PRKAR1B: variants seen among roughly 807,000 people sequenced by gnomAD.
PRKAR1B encodes protein kinase cAMP-dependent type I regulatory subunit beta.
A neutral mutation model predicts 46.5 loss-of-function variants in PRKAR1B; 22 were observed. That is an observed-to-expected ratio of 0.47 (90% CI 0.34 to 0.68). The LOEUF (loss-of-function observed/expected upper bound fraction) is 0.68. Among genes scored for constraint, PRKAR1B ranks in the 30% least tolerant of loss-of-function variants. The pLI is 0.01. For synonymous variants in PRKAR1B, 259 were observed against 217.7 expected (o/e 1.19, Z -1.67); for missense variants, 445 against 535.6 (o/e 0.83, Z 1.67).
chr7:569,896 C>T (rs1323937469), intron 9 of PRKAR1B, among the ~76,000 whole-genome samples: 1 of 152,242 alleles, frequency 6.6e-6, no homozygotes, highest in Admixed American at 6.5e-5. Context: ...TCACTGTCCC[C>T]GCGCAGATGT....
At chr7:567,496 CCAT>C (rs1262719761) in intron 9 of PRKAR1B, among the ~76,000 whole-genome samples, 9 of 143,532 alleles carry the variant, frequency 6.3e-5, no homozygotes, top group African/African-American at 1.3e-4. Flanking sequence ...ATCACCATCA[CCAT>C]CATCACCATC....
chr7:599,223 C>T (rs1276465946), intron 6 of PRKAR1B, among the ~76,000 whole-genome samples: 1 of 152,230 alleles, frequency 6.6e-6, no homozygotes. Context: ...TGTCACCACT[C>T]CCGGCGCAGT....
chr7:660,468 T>C, intron 4 of PRKAR1B, among the ~76,000 whole-genome samples: 1 of 113,318 alleles, frequency 8.8e-6, no homozygotes, highest in Non-Finnish European at 1.7e-5. Context: ...ATACCTACTC[T>C]GCCCCCAATG....
chr7:687,602 A>T (rs1241095095), intron 2 of PRKAR1B, among the ~76,000 whole-genome samples: 1 of 152,236 alleles, frequency 6.6e-6, no homozygotes, highest in Non-Finnish European at 1.5e-5. Flanking sequence ...GTTTATGTGA[A>T]TTCGAGTTCC....
chr7:690,260 C>T (rs915631112), intron 2 of PRKAR1B, among the ~76,000 whole-genome samples: 1 of 151,474 alleles, frequency 6.6e-6, no homozygotes, highest in Non-Finnish European at 1.5e-5. Context: ...CATGCTATTG[C>T]ACTCCAGCCT....
Position 568,939 on chromosome 7 carries a change from C to T in PRKAR1B, c.891+10317G>A, listed in dbSNP as rs533670321. 4.5e-3 allele frequency among the ~76,000 whole-genome samples: 624 copies of T among 139,598 alleles called. 2 individuals carry two copies. The highest frequency in any genetic ancestry group is 0.011 in the Middle Eastern group (3 of 270). 91.6% of individuals were successfully genotyped at this position (139,598 alleles called of 152,430 possible). On this transcript the variant is annotated intron_variant, in intron 9 of 10. Coordinates refer to ENST00000537384, the MANE Select transcript of PRKAR1B (RefSeq NM_001164760.2). Reference sequence around the variant, plus strand: ...GTCTGCAATGGAAAGCCGGGGCCCGCGGGGGGTGGTTCGGTCTCTGGGAGG... The same window carrying T: ...GTCTGCAATGGAAAGCCGGGGCCCGTGGGGGGTGGTTCGGTCTCTGGGAGG...
In PRKAR1B at chr7:596,259, T is replaced by C; in HGVS notation, c.595A>G (p.Ser199Gly). ...TAGATGAGCGCCAGCTCCCCGAAGCTGCCTCCCTCGCTGATGTTGGTCACC... is the reference window on the plus strand; with the variant it reads ...TAGATGAGCGCCAGCTCCCCGAAGCCGCCTCCCTCGCTGATGTTGGTCACC... The part of the protein sequence containing the change: ...EWVTNISEGG[S>G]FGELALIYGT... Residue 199 changes from serine to glycine, a missense_variant, in exon 7 of 11, where the codon AGC becomes GGC. This residue lies in a region of PRKAR1B where 18 missense variants were observed against 58.1 expected (regional missense o/e 0.31). Coordinates refer to ENST00000537384, the MANE Select transcript of PRKAR1B (RefSeq NM_001164760.2). The C allele has an allele frequency of 6.2e-7, 1 of 1,613,902 alleles. No individual in the cohort carries two copies. Among genetic ancestry groups the C allele is most frequent in the Non-Finnish European group, 8.5e-7 (1 of 1,179,882 alleles).
chr7:606,797 T>TGTG (rs1373930051), intron 5 of PRKAR1B, among the ~76,000 whole-genome samples: 13 of 151,738 alleles, frequency 8.6e-5, no homozygotes, highest in African/African-American at 2.7e-4. Flanking sequence ...TGTGTGTGTA[T>TGTG]AATTTTATAT....
intron 8 of PRKAR1B, among the ~76,000 whole-genome samples, chr7:582,514 G>A (rs370608524): frequency 2.8e-4 from 43 of 152,386 alleles, no homozygotes; most frequent in Middle Eastern, 3.4e-3. Context: ...CCACGGAGAA[G>A]CCGGTCACAT....
At chr7:726,196 C>T (rs1318071880) in intron 1 of PRKAR1B, among the ~76,000 whole-genome samples, 6 of 152,204 alleles carry the variant, frequency 3.9e-5, no homozygotes, top group Non-Finnish European at 8.8e-5. Context: ...TGGGCGGCTA[C>T]GCCTGAGATC....
At chr7:618,728 A>G (rs1286446592) in intron 4 of PRKAR1B, among the ~76,000 whole-genome samples, 1 of 152,124 alleles carries the variant, frequency 6.6e-6, no homozygotes, top group Non-Finnish European at 1.5e-5. Context: ...TCCTGTTCAT[A>G]TCCTGTGCCC....
At position 666,393 on chromosome 7, in the gene PRKAR1B, G is replaced by A. The variant is rs1211819969; in HGVS notation, c.440+10836C>T. On this transcript the variant is annotated intron_variant, in intron 4 of 10. Transcript: ENST00000537384. This position sits in a 1 kb window ranked among gnomAD's most constrained non-coding sequence, Gnocchi z 4.9. ...CCTGAGGCTGCTGAGGTCCCTGGCC[G>A]AGGCGTAACTGCCCCGGGCACCCCA... is the stretch of plus-strand genomic sequence containing the variant. Among the ~76,000 whole-genome samples the A allele has an allele frequency of 6.6e-6, 1 of 152,182 alleles. No individual in the cohort carries two copies. The highest frequency in any genetic ancestry group is 1.5e-5 in the Non-Finnish European group (1 of 68,026).
At chr7:603,209 G>C (rs1233214446) in intron 6 of PRKAR1B, 2 of 152,308 alleles carry the variant, frequency 1.3e-5, no homozygotes, top group African/African-American at 2.4e-5. Flanking sequence ...AGAGGGAGAA[G>C]CATTCCACAG....
At chr7:708,608 T>C (rs948758892) in intron 2 of PRKAR1B, among the ~76,000 whole-genome samples, 1 of 152,038 alleles carries the variant, frequency 6.6e-6, no homozygotes, top group African/African-American at 2.4e-5. Context: ...CGCCTCAGCC[T>C]CCCAAGTAGT....
rs555070851 is a variant in PRKAR1B, at chr7:714,335, C to T, written c.-22-2808G>A. ...ACCTCACAGGACAGCCCTCTGATCC[C>T]GAGGCGCACACACAAGCCCTCCTTC... On this transcript the variant is annotated intron_variant, in intron 1 of 10. Transcript: ENST00000537384. The surrounding 1 kb of genome is among the most constrained non-coding windows in gnomAD (Gnocchi z 4.3). 3.5e-4 allele frequency among the ~76,000 whole-genome samples: 54 copies of T among 152,274 alleles called. No homozygotes were observed. The highest frequency in any genetic ancestry group is 1.1e-3 in the African/African-American group (46 of 41,552).
chr7:708,378 T>C (rs1780441825), intron 2 of PRKAR1B, among the ~76,000 whole-genome samples: 1 of 152,228 alleles, frequency 6.6e-6, no homozygotes, highest in Non-Finnish European at 1.5e-5. Context: ...CCATGGGAGA[T>C]GGTTCTAGAA....
At position 550,341 on chromosome 7, in the gene PRKAR1B, C is replaced by T. The variant is rs1784101841; in HGVS notation, c.*89G>A. The T allele has an allele frequency of 4.6e-6, 6 of 1,304,744 alleles. No homozygotes were observed. In the South Asian group the frequency reaches 8.0e-5, roughly 17 times the overall value. The allele number at this position is 1,304,744 out of a possible 1,614,324, so 80.8% of individuals were successfully genotyped here. Reference sequence around the variant, plus strand: ...GGACCCAGCCCCACCCGGCCCACACCTCACACAGCGGCTCCCGGGCCCCCG... The same window carrying T: ...GGACCCAGCCCCACCCGGCCCACACTTCACACAGCGGCTCCCGGGCCCCCG... On this transcript the variant is annotated 3_prime_UTR_variant, in exon 11 of 11. Transcript: ENST00000537384.
chr7:691,685 C>T, intron 2 of PRKAR1B: 2 of 1,283,490 alleles, frequency 1.6e-6, no homozygotes, highest in African/African-American at 1.5e-5. Context: ...GTGCTGTGAC[C>T]TCACACGGTC....
Position 579,278 on chromosome 7 carries a change from T to C in PRKAR1B, c.869A>G (p.Asp290Gly). The change falls in exon 9 of 11, where the codon GAC (aspartate) becomes GGC (glycine). Residue 290 changes from aspartate to glycine, a missense_variant. Asp to Gly is a moderately conservative substitution (Grantham distance 94, BLOSUM62 -1). Transcript: ENST00000537384. ...EKIVVQGEPG[D>G]DFYIITEGTA... Reference sequence around the variant, plus strand: ...CACCTCCGTGATGATGTAAAAGTCGTCCCCAGGCTCTCCCTGGACCACAAT... The same window carrying C: ...CACCTCCGTGATGATGTAAAAGTCGCCCCCAGGCTCTCCCTGGACCACAAT... The C allele has an allele frequency of 6.2e-7, 1 of 1,614,136 alleles. No homozygotes were observed. Among genetic ancestry groups the C allele is most frequent in the Non-Finnish European group, 8.5e-7 (1 of 1,180,032 alleles).
Sources: gnomAD v4.1 joint callset for allele counts (sites outside exome capture counted in the v4.1 genomes callset) on GRCh38, gnomAD v4.1.1 for gene constraint, gnomAD v4.1.1 regional missense constraint, Gnocchi (gnomAD v3.1) non-coding constraint, MANE v1.5 for transcripts, NCBI Gene and HGNC (gene_info 2026-07-23, HGNC 2026-07-21) for gene names.